The following CCNY variants were observed in gnomAD, a reference collection of about 807,000 sequenced individuals.
The protein encoded by CCNY is cyclin Y.
Under a neutral mutation model 42.8 loss-of-function variants are expected in CCNY, and 19 were observed. The ratio of observed to expected loss-of-function variants is 0.44; its 90% CI spans 0.31 to 0.65. The LOEUF is 0.65. Among genes scored for constraint, CCNY ranks in the 30% least tolerant of loss-of-function variants. The probability of loss-of-function intolerance (pLI) is 0.07; values close to 1 mark genes in which losing one functional copy is unlikely to be tolerated. For missense variants in CCNY, 370 were observed against 437.3 expected, an observed-to-expected ratio of 0.85 and a Z score of 1.37; for synonymous variants, 165 against 162.7, an observed-to-expected ratio of 1.01 and a Z score of -0.11.
intron 2 of CCNY, among the ~76,000 whole-genome samples, chr10:35,494,903 G>GT (rs1272687090): frequency 1.3e-5 from 2 of 152,188 alleles, no homozygotes; most frequent in African/African-American, 4.8e-5. Flanking sequence ...TCTCTGGATT[G>GT]TTGGATTAAA....
rs114556002 is a variant in CCNY, at chr10:35,420,817, C to A, written c.155-62587C>A. Among the ~76,000 whole-genome samples the A allele has an allele frequency of 6.8e-3, 1,032 of 152,312 alleles. 10 individuals are homozygous for A. Among genetic ancestry groups the A allele is most frequent in the African/African-American group, 0.024 (986 of 41,572 alleles). On this transcript the variant is annotated intron_variant, in intron 1 of 9. Transcript: ENST00000374704. ...AATGTGAACGGAGACTAATTTTTAACTGTTAATTCACAGCCTAAATGGCAA... is the reference window on the plus strand; with the variant it reads ...AATGTGAACGGAGACTAATTTTTAAATGTTAATTCACAGCCTAAATGGCAA...
At chr10:35,333,064 G>A (rs12259689), upstream of CCNY, among the ~76,000 whole-genome samples, 681 of 151,660 alleles carry the variant, frequency 4.5e-3, 7 homozygotes, top group African/African-American at 0.016. Flanking sequence ...TAAGAGACAG[G>A]GTCTCACTCT....
chr10:35,396,978 T>C (rs890644160), intron 1 of CCNY, among the ~76,000 whole-genome samples: 1 of 152,204 alleles, frequency 6.6e-6, no homozygotes, highest in African/African-American at 2.4e-5. Context: ...TCAATTTTTC[T>C]GCCTGTTACA....
intron 3 of CCNY, among the ~76,000 whole-genome samples, chr10:35,329,994 G>C (rs1318938343): frequency 6.6e-6 from 1 of 152,190 alleles, no homozygotes; most frequent in African/African-American, 2.4e-5. Flanking sequence ...ACTAACGTGA[G>C]ACAGAGACAA....
intron 3 of CCNY, among the ~76,000 whole-genome samples, chr10:35,308,387 A>G (rs576080772): frequency 6.6e-6 from 1 of 152,118 alleles, no homozygotes; most frequent in South Asian, 2.1e-4. Flanking sequence ...ACTCCATCTC[A>G]ACTAAAAAGT....
chr10:35,446,818 G>A (rs182278690), intron 1 of CCNY, among the ~76,000 whole-genome samples: 50 of 152,294 alleles, frequency 3.3e-4, no homozygotes, highest in East Asian at 2.5e-3. Context: ...GTTCTCCAGC[G>A]GAAGTGTAAT....
At chr10:35,267,628 G>T (rs1057295871) in intron 3 of CCNY, among the ~76,000 whole-genome samples, 1 of 152,188 alleles carries the variant, frequency 6.6e-6, no homozygotes, top group African/African-American at 2.4e-5. Context: ...AAAGGAAGAC[G>T]ATGGGGCCCT....
At chr10:35,314,513 T>C (rs1487850915) in intron 3 of CCNY, 1 of 152,118 alleles carries the variant, frequency 6.6e-6, no homozygotes, top group Non-Finnish European at 1.5e-5. Flanking sequence ...CAAGATGAGA[T>C]TTGGGTGGAA....
intron 1 of CCNY, among the ~76,000 whole-genome samples, chr10:35,482,026 T>C (rs1419082022): frequency 6.6e-6 from 1 of 152,214 alleles, no homozygotes; most frequent in Non-Finnish European, 1.5e-5. Flanking sequence ...TGAAGTAGCA[T>C]CTGTTTAAGA....
Position 35,265,845 on chromosome 10 carries a change from C to T in CCNY, c.-9+15219C>T, listed in dbSNP as rs188482296. On this transcript the variant is annotated intron_variant, in intron 3 of 11. Coordinates refer to the CCNY transcript ENST00000374706. ...GTGGGGCAGATATGAAGCCCACCAGCGTGTCACTGGCATGCTTGCTGCCTC... is the reference window on the plus strand; with the variant it reads ...GTGGGGCAGATATGAAGCCCACCAGTGTGTCACTGGCATGCTTGCTGCCTC... Among the ~76,000 whole-genome samples, 8 of 152,250 alleles carry T rather than the reference C, an allele frequency of 5.3e-5. No individual in the cohort carries two copies. In the East Asian group the frequency reaches 1.4e-3, roughly 26 times the overall value.
chr10:35,382,329 T>C (rs1416467321), intron 1 of CCNY, among the ~76,000 whole-genome samples: 1 of 152,200 alleles, frequency 6.6e-6, no homozygotes, highest in Non-Finnish European at 1.5e-5. Flanking sequence ...AGACTGTGTG[T>C]GCGACAGAGG....
At chr10:35,457,024 A>T (rs1349143483) in intron 1 of CCNY, among the ~76,000 whole-genome samples, 1 of 152,228 alleles carries the variant, frequency 6.6e-6, no homozygotes, top group Non-Finnish European at 1.5e-5. Context: ...TCCTCTGAAA[A>T]TGCGGGGGGG....
At chr10:35,482,749 G>GGTGTGT (rs56033862) in intron 1 of CCNY, among the ~76,000 whole-genome samples, 6,388 of 128,778 alleles carry the variant, frequency 0.05, 200 homozygotes, top group East Asian at 0.073. Flanking sequence ...GCTGGAAATA[G>GGTGTGT]GTGTGTGTGT....
At chr10:35,259,932 G>C (rs910966304) in intron 3 of CCNY, among the ~76,000 whole-genome samples, 1 of 150,878 alleles carries the variant, frequency 6.6e-6, no homozygotes, top group African/African-American at 2.4e-5. Context: ...CATCCCATTG[G>C]CTCAGAAAAT....
chr10:35,569,119 C>T lies in CCNY; in HGVS notation c.975C>T (p.Ala325=). Residue 325 remains alanine, a synonymous_variant, in exon 10 of 10, where the codon GCC becomes GCT. Transcript: ENST00000374704. ...GAAGATCCGCGAGGAAGCGCTCAGC[C>T]AGTGCAGACAACCTGACTCTGCCCC... The part of the protein sequence containing the change: ...DLRRSARKRS[A]SADNLTLPRW... 1 of 1,613,010 alleles carries T rather than the reference C, an allele frequency of 6.2e-7. No homozygotes were observed. The highest frequency in any genetic ancestry group is 8.5e-7 in the Non-Finnish European group (1 of 1,179,974).
chr10:35,538,997 C>A (rs938610180), intron 7 of CCNY, among the ~76,000 whole-genome samples: 7 of 152,140 alleles, frequency 4.6e-5, no homozygotes, highest in Non-Finnish European at 1.0e-4. Context: ...ATTTGGATAT[C>A]CAGTTGTCCC....
chr10:35,352,163 T>G (rs1445812888), intron 1 of CCNY, among the ~76,000 whole-genome samples: 1 of 152,196 alleles, frequency 6.6e-6, no homozygotes, highest in Non-Finnish European at 1.5e-5. Context: ...GTATTTAAAA[T>G]TTTTTTCAGA....
At chr10:35,337,565 G>A (rs1836074740) in intron 1 of CCNY, among the ~76,000 whole-genome samples, 1 of 152,204 alleles carries the variant, frequency 6.6e-6, no homozygotes, top group Non-Finnish European at 1.5e-5. Context: ...GGCACTACCT[G>A]AATGCAGCCC....
At chr10:35,317,092 C>T (rs1016163643) in intron 3 of CCNY, among the ~76,000 whole-genome samples, 1 of 152,192 alleles carries the variant, frequency 6.6e-6, no homozygotes, top group Non-Finnish European at 1.5e-5. Flanking sequence ...GATGATCCAT[C>T]CGCTTCAGTT....
Sources: allele counts gnomAD v4.1 joint callset (sites outside exome capture counted in the v4.1 genomes callset), GRCh38; gene constraint gnomAD v4.1.1; transcripts MANE v1.5; gene names NCBI Gene and HGNC (gene_info 2026-07-23, HGNC 2026-07-21).